TDRD7: variants seen among roughly 807,000 people sequenced by gnomAD.
The protein encoded by TDRD7 is tudor domain-containing protein 7.
Under a neutral mutation model 109.8 loss-of-function variants are expected in TDRD7, and 47 were observed. The ratio of observed to expected loss-of-function variants is 0.43; its 90% CI spans 0.34 to 0.55. TDRD7 has a LOEUF of 0.55. Ranked by LOEUF, TDRD7 falls within the 20% of genes least tolerant of loss-of-function variation. The probability of loss-of-function intolerance (pLI) is 0.03; values close to 1 mark genes in which losing one functional copy is unlikely to be tolerated. For missense variants in TDRD7, 1,164 were observed against 1,319.2 expected (o/e 0.88, Z 1.82); for synonymous variants, 424 against 457.3 (o/e 0.93, Z 0.93).
chr9:97,477,772 AT>A (rs1829047214), intron 12 of TDRD7, among the ~76,000 whole-genome samples: 1 of 152,158 alleles, frequency 6.6e-6, no homozygotes, highest in Admixed American at 6.6e-5. Context: ...TTTTTCCCTT[AT>A]ATTTTAATAT....
At chr9:97,459,995 A>G (rs554869992) in intron 6 of TDRD7, among the ~76,000 whole-genome samples, 183 bp from the exon 7 acceptor site, 2 of 152,304 alleles carry the variant, frequency 1.3e-5, no homozygotes, top group East Asian at 3.9e-4. Flanking sequence ...TATTTCTGAA[A>G]TGTGGCTCAT....
chr9:97,431,994 T>C, intron 3 of TDRD7, 31 bp from the exon 4 acceptor site: 1 of 1,600,332 alleles, frequency 6.2e-7, no homozygotes, highest in Non-Finnish European at 8.6e-7. Context: ...GGGATGCTAA[T>C]TGATTTCGTT....
intron 8 of TDRD7, among the ~76,000 whole-genome samples, chr9:97,469,028 CTT>C (rs1828867582): frequency 6.6e-6 from 1 of 152,190 alleles, no homozygotes; most frequent in Non-Finnish European, 1.5e-5. Flanking sequence ...GAAACACTTT[CTT>C]TTGAGGCTTT....
intron 6 of TDRD7, among the ~76,000 whole-genome samples, chr9:97,454,933 C>G (rs1286053980): frequency 6.6e-6 from 1 of 151,930 alleles, no homozygotes; most frequent in Non-Finnish European, 1.5e-5. Flanking sequence ...AGACCTCTAG[C>G]TAGACTAATA....
At chr9:97,454,575 C>T (rs1009177128) in intron 6 of TDRD7, among the ~76,000 whole-genome samples, 2 of 152,300 alleles carry the variant, frequency 1.3e-5, no homozygotes, top group Admixed American at 1.3e-4. Flanking sequence ...ACAACCTGCT[C>T]CTGAATGACT....
At chr9:97,485,118 A>G (rs1322901562) in intron 15 of TDRD7, among the ~76,000 whole-genome samples, 9 of 152,242 alleles carry the variant, frequency 5.9e-5, no homozygotes, top group Non-Finnish European at 1.2e-4. Flanking sequence ...ACTCAGGACT[A>G]TTTACTAAAC....
chr9:97,426,574 T>A (rs1011054213), intron 1 of TDRD7, among the ~76,000 whole-genome samples: 3 of 152,206 alleles, frequency 2.0e-5, no homozygotes, highest in Non-Finnish European at 4.4e-5. Context: ...TTAAACTTTT[T>A]AAATTAAAAA....
At chr9:97,475,310 C>A in intron 11 of TDRD7, 73 bp from the exon 12 acceptor site, 1 of 1,208,760 alleles carries the variant, frequency 8.3e-7, no homozygotes, top group Non-Finnish European at 1.2e-6. Context: ...CCACAGCGAT[C>A]TGTTTTTCTA....
chr9:97,451,361 C>T (rs903425547), intron 6 of TDRD7, among the ~76,000 whole-genome samples: 1 of 152,188 alleles, frequency 6.6e-6, no homozygotes, highest in Non-Finnish European at 1.5e-5. Flanking sequence ...ACCATCATAA[C>T]TCACTGCAGC....
At chr9:97,444,482 T>C (rs1425015372) in intron 6 of TDRD7, among the ~76,000 whole-genome samples, 1 of 152,240 alleles carries the variant, frequency 6.6e-6, no homozygotes, top group African/African-American at 2.4e-5. Flanking sequence ...ATGGTTATTT[T>C]CCCCCTTCTT....
intron 5 of TDRD7, 109 bp downstream of exon 5, chr9:97,439,427 C>A: frequency 1.1e-6 from 1 of 886,032 alleles, no homozygotes; most frequent in South Asian, 1.3e-5. Context: ...TGGAATATAT[C>A]CTTCCTCCCC....
chr9:97,466,108 T>G (rs1199051827), intron 8 of TDRD7, among the ~76,000 whole-genome samples: 1 of 152,234 alleles, frequency 6.6e-6, no homozygotes, highest in Non-Finnish European at 1.5e-5. Context: ...CATGTGCCAC[T>G]ATCAGCCGCC....
chr9:97,475,579 T>C (rs190209339), intron 12 of TDRD7, 110 bp downstream of exon 12: 1 of 820,884 alleles, frequency 1.2e-6, no homozygotes, highest in Non-Finnish European at 2.0e-6. Context: ...TCATCATCAG[T>C]TTATGAAATA....
intron 16 of TDRD7, among the ~76,000 whole-genome samples, chr9:97,494,950 A>G (rs1829372963): frequency 6.6e-6 from 1 of 152,030 alleles, no homozygotes; most frequent in South Asian, 2.1e-4. Flanking sequence ...AGCTCAAGAT[A>G]CCTGCCCGCC....
At position 97,472,397 on chromosome 9, in the gene TDRD7, CTTG is replaced by C. The variant is rs750207077; in HGVS notation, c.1852_1854del (p.Val618del). The C allele has an allele frequency of 6.8e-6, 11 of 1,613,838 alleles. No individual in the cohort carries two copies. Among genetic ancestry groups the C allele is most frequent in the Non-Finnish European group, 5.9e-6 (7 of 1,179,828 alleles). The stretch of plus-strand genomic sequence containing the variant: ...AATACTTGACAAAGCTGACATTCCA[CTTG>C]TTGTTCTGTACGATACCTCAGGAGA... On this transcript the variant is annotated inframe_deletion, in exon 10 of 17. Transcript: ENST00000355295.
intron 6 of TDRD7, among the ~76,000 whole-genome samples, chr9:97,447,598 G>A (rs1433258692): frequency 6.6e-6 from 1 of 152,166 alleles, no homozygotes; most frequent in Non-Finnish European, 1.5e-5. Flanking sequence ...GAAATAAAGA[G>A]CAGTGGAGGA....
At chr9:97,485,097 T>A (rs1829190945) in intron 15 of TDRD7, among the ~76,000 whole-genome samples, 1 of 152,238 alleles carries the variant, frequency 6.6e-6, no homozygotes, top group African/African-American at 2.4e-5. Context: ...AGAACTTCTG[T>A]CTTCCTTAAG....
chr9:97,484,783 T>C (rs539759128), intron 15 of TDRD7, among the ~76,000 whole-genome samples: 24 of 152,310 alleles, frequency 1.6e-4, no homozygotes, highest in African/African-American at 5.5e-4. Context: ...TCAGAGCTCT[T>C]TGTAAGATAA....
In TDRD7 at chr9:97,483,022, C is replaced by T. The variant is rs138110005; in HGVS notation, c.2586C>T (p.Ser862=). The T allele has an allele frequency of 3.1e-6, 5 of 1,614,050 alleles. No individual in the cohort carries two copies. The African/African-American group carries it at 6.7e-5, about 22-fold the overall frequency. Residue 862 remains serine (S), a synonymous_variant, in exon 15 of 17, where the codon AGC becomes AGT. Coordinates refer to ENST00000355295, the MANE Select transcript of TDRD7 (RefSeq NM_014290.3). The stretch of plus-strand genomic sequence containing the variant: ...CCAGTGGAGCTGACTCTCCCAACAG[C>T]AAAAATGGCAACATGCCCATGTCGG... ...AISSGADSPN[S]KNGNMPMSGN...
Sources: gnomAD v4.1 joint callset for allele counts (sites outside exome capture counted in the v4.1 genomes callset) on GRCh38, gnomAD v4.1.1 for gene constraint, MANE v1.5 for transcripts, NCBI Gene and HGNC (gene_info 2026-07-23, HGNC 2026-07-21) for gene names.